Variants in LLPH observed in about 807,000 individuals in gnomAD.
The protein encoded by LLPH is LLP homolog, long-term synaptic facilitation factor.
Under a neutral mutation model 13.3 loss-of-function variants are expected in LLPH, and 5 were observed. The ratio of observed to expected loss-of-function variants is 0.38; its 90% CI spans 0.20 to 0.79. The LOEUF (loss-of-function observed/expected upper bound fraction) is 0.79. LLPH is among the 30% of genes least tolerant of loss of function. LLPH has a pLI of 0.45. For missense variants in LLPH, 129 were observed against 152.1 expected, an observed-to-expected ratio of 0.85 and a Z score of 0.80; for synonymous variants, 32 against 44.2, an observed-to-expected ratio of 0.72 and a Z score of 1.09.
At chr12:66,124,203 A>C (rs555749149) in intron 2 of LLPH, among the ~76,000 whole-genome samples, 185 bp from the exon 3 acceptor site, 1 of 152,350 alleles carries the variant, frequency 6.6e-6, no homozygotes, top group East Asian at 1.9e-4. Context: ...GTTAAATAGG[A>C]AACATTTAGG....
At position 66,119,645 on chromosome 12, in the gene LLPH, G is replaced by A. The variant is rs2051450770; in HGVS notation, c.*4195C>T. The A allele has an allele frequency of 6.6e-6, 1 of 152,240 alleles. No individual in the cohort carries two copies. Among genetic ancestry groups the A allele is most frequent in the African/African-American group, 2.4e-5 (1 of 41,474 alleles). The allele number at this position is 152,240 out of a possible 1,614,324, so 9.4% of individuals were successfully genotyped here. A position where few individuals can be genotyped will look rare whatever the true frequency, so the allele number is the denominator to read the frequency against. On this transcript the variant is annotated 3_prime_UTR_variant, in exon 3 of 3. Transcript: ENST00000266604. Reference sequence around the variant, plus strand: ...CTCTGCCAGATGGCATCAGAAGTTAGTCACTTAACTAGTAAGATTAGCCAA... The same window carrying A: ...CTCTGCCAGATGGCATCAGAAGTTAATCACTTAACTAGTAAGATTAGCCAA...
chr12:66,130,368 T>G (rs564181449), intron 1 of LLPH: 3 of 152,338 alleles, frequency 2.0e-5, no homozygotes, highest in African/African-American at 4.8e-5. Context: ...ACTAACATTT[T>G]TTGAACGCCG....
chr12:66,129,902 T>C (rs1183134061), intron 1 of LLPH, among the ~76,000 whole-genome samples: 1 of 152,190 alleles, frequency 6.6e-6, no homozygotes, highest in Non-Finnish European at 1.5e-5. Context: ...CTCCACAAGG[T>C]GCTCAGTGTG....
intron 2 of LLPH, among the ~76,000 whole-genome samples, chr12:66,124,689 C>T (rs760213204): frequency 1.4e-4 from 22 of 152,174 alleles, no homozygotes; most frequent in Non-Finnish European, 2.9e-4. Flanking sequence ...TCTATTATCT[C>T]GACTACCTGG....
chr12:66,126,285 C>T (rs1339182878), intron 2 of LLPH, among the ~76,000 whole-genome samples: 4 of 149,566 alleles, frequency 2.7e-5, no homozygotes, highest in African/African-American at 4.9e-5. Flanking sequence ...GATCATGCCA[C>T]TGCACTCCAG....
At chr12:66,128,760 C>T (rs747339488) in intron 2 of LLPH, 136 bp downstream of exon 2, 6 of 649,416 alleles carry the variant, frequency 9.2e-6, no homozygotes, top group East Asian at 2.7e-5. Flanking sequence ...GGGAAGAATC[C>T]GCTTCAGCTC....
chr12:66,127,164 G>A (rs1322004677), intron 2 of LLPH, among the ~76,000 whole-genome samples: 2 of 152,168 alleles, frequency 1.3e-5, no homozygotes, highest in Admixed American at 1.3e-4. Context: ...ACATTAAAAA[G>A]AATTACCATA....
intron 2 of LLPH, among the ~76,000 whole-genome samples, chr12:66,125,637 T>C (rs910095143): frequency 1.4e-4 from 22 of 152,120 alleles, no homozygotes; most frequent in African/African-American, 5.3e-4. Flanking sequence ...AAAAAAGACT[T>C]AACAGATTCT....
chr12:66,127,804 A>G (rs1044857032), intron 2 of LLPH, among the ~76,000 whole-genome samples: 7 of 152,242 alleles, frequency 4.6e-5, no homozygotes, highest in African/African-American at 9.6e-5. Context: ...AGAACTTGAG[A>G]TCAAGGGAGA....
rs1304822741 is a variant in LLPH, at chr12:66,119,181, ATAAT to A, written c.*4655_*4658del. The A allele has an allele frequency of 2.0e-5, 3 of 152,346 alleles. No individual in the cohort carries two copies. Among genetic ancestry groups the A allele is most frequent in the East Asian group, 3.9e-4 (2 of 5,184 alleles). 9.4% of individuals were successfully genotyped at this position (152,346 alleles called of 1,614,324 possible). A position where few individuals can be genotyped will look rare whatever the true frequency, so the allele number is the denominator to read the frequency against. On this transcript the variant is annotated 3_prime_UTR_variant, in exon 3 of 3. Transcript: ENST00000266604. ...ACTGTTTTCTCATCTGAAAATAGGG[ATAAT>A]TAAAGTATTGATCCCACAGTGTTTT... is the stretch of plus-strand genomic sequence containing the variant.
In LLPH at chr12:66,120,677, T is replaced by C. The variant is rs531101551; in HGVS notation, c.*3163A>G. 1.2e-4 allele frequency: 19 copies of C among 152,354 alleles called. No homozygotes were observed. The highest frequency in any genetic ancestry group is 3.9e-4 in the East Asian group (2 of 5,192). The allele number at this position is 152,354 out of a possible 1,614,324, so 9.4% of individuals were successfully genotyped here. On this transcript the variant is annotated 3_prime_UTR_variant, in exon 3 of 3. Coordinates refer to ENST00000266604, the MANE Select transcript of LLPH (RefSeq NM_032338.4). ...GATTTGGTGCTTAGCTTGAGCTCCA[T>C]CTTGTGGCTTTACAGCAATTCTCTG...
rs2051514952 is a variant in LLPH, at chr12:66,128,931, T to G, written c.176A>C (p.Gln59Pro). 2 of 1,613,246 alleles carry G rather than the reference T, an allele frequency of 1.2e-6. No homozygotes were observed. The highest frequency in any genetic ancestry group is 1.7e-6 in the Non-Finnish European group (2 of 1,179,316). ...TVVVPKPKHC[Q>P]EKMQCEVKDE... The stretch of plus-strand genomic sequence containing the variant: ...TTTTACCTCACATTGCATTTTCTCT[T>G]GGCAATGTTTGGGTTTGGGTACCAC... Residue 59 changes from glutamine (Q) to proline (P), a missense_variant, in exon 2 of 3, where the codon CAA becomes CCA. Physicochemically the swap from Gln to Pro is moderately conservative, Grantham distance 76. Coordinates refer to ENST00000266604, the MANE Select transcript of LLPH (RefSeq NM_032338.4).
At chr12:66,127,260 G>T (rs192078285) in intron 2 of LLPH, among the ~76,000 whole-genome samples, 1 of 152,310 alleles carries the variant, frequency 6.6e-6, no homozygotes, top group Non-Finnish European at 1.5e-5. Context: ...TAAGGGGAAA[G>T]AAATCCAAAT....
rs540418864 is a variant in LLPH, at chr12:66,123,784, G to C, written c.*56C>G. 6.3e-7 allele frequency: 1 copy of C among 1,589,580 alleles called. No homozygotes were observed. Among genetic ancestry groups the C allele is most frequent in the African/African-American group, 1.4e-5 (1 of 73,962 alleles). On this transcript the variant is annotated 3_prime_UTR_variant, in exon 3 of 3. Transcript: ENST00000266604. The stretch of plus-strand genomic sequence containing the variant: ...GCAGTTGAAATCAAAGTATACATGT[G>C]TATACATTCTAATCCGTCATCTATC...
chr12:66,123,842 A>G lies in LLPH; in HGVS notation c.388T>C (p.Ter130GlnextTer13), dbSNP rs1565776833. 1 of 1,611,940 alleles carries G rather than the reference A, an allele frequency of 6.2e-7. No individual in the cohort carries two copies. The change falls in exon 3 of 3, where the codon TAG becomes CAG. Residue 130 changes from the stop codon to glutamine, a stop_lost. Transcript: ENST00000266604. ...AVKVAKGLAW[*>Q] ...GCATTTTCCAAGGTTTTAAGAGTCT[A>G]CCAGGCCAAACCCTTTGCCACTTTC...
intron 2 of LLPH, among the ~76,000 whole-genome samples, chr12:66,125,760 T>C (rs1181499975): frequency 6.6e-6 from 1 of 152,186 alleles, no homozygotes; most frequent in Non-Finnish European, 1.5e-5. Context: ...CCAATCATCA[T>C]TGTAGTGCCA....
chr12:66,126,645 G>A (rs1249018613), intron 2 of LLPH, among the ~76,000 whole-genome samples: 1 of 151,924 alleles, frequency 6.6e-6, no homozygotes, highest in Admixed American at 6.6e-5. Flanking sequence ...ATGAAAAAAT[G>A]TTCAGCCGGG....
chr12:66,120,395 C>G lies in LLPH; in HGVS notation c.*3445G>C, dbSNP rs1200297446. 3 of 152,162 alleles carry G rather than the reference C, an allele frequency of 2.0e-5. No individual in the cohort carries two copies. Among genetic ancestry groups the G allele is most frequent in the Non-Finnish European group, 2.9e-5 (2 of 68,036 alleles). 9.4% of individuals were successfully genotyped at this position (152,162 alleles called of 1,614,324 possible). On this transcript the variant is annotated 3_prime_UTR_variant, in exon 3 of 3. Coordinates refer to ENST00000266604, the MANE Select transcript of LLPH (RefSeq NM_032338.4). ...AGAGCCACACTGCCTAAATTTGAAT[C>G]CCAGATTTCAGTTTTAGTTGTATGG...
rs192609229 is a variant in LLPH, at chr12:66,117,873, G to A, written c.*5967C>T. 6.6e-6 allele frequency: 1 copy of A among 152,142 alleles called. No homozygotes were observed. Among genetic ancestry groups the A allele is most frequent in the African/African-American group, 2.4e-5 (1 of 41,518 alleles). The allele number at this position is 152,142 out of a possible 1,614,324, so 9.4% of individuals were successfully genotyped here. ...TTAAAAATTGTGGAAATAGAAAAAA[G>A]CTTATAAAAATATAAAATATTTGTG... On this transcript the variant is annotated 3_prime_UTR_variant, in exon 3 of 3. Coordinates refer to ENST00000266604, the MANE Select transcript of LLPH (RefSeq NM_032338.4).
Sources: gnomAD v4.1 joint callset for allele counts (sites outside exome capture counted in the v4.1 genomes callset) on GRCh38, gnomAD v4.1.1 for gene constraint, MANE v1.5 for transcripts, NCBI Gene and HGNC (gene_info 2026-07-23, HGNC 2026-07-21) for gene names.